The following COL19A1 variants were observed in gnomAD, a reference collection of about 807,000 sequenced individuals.
COL19A1 encodes collagen alpha-1(XIX) chain.
Under a neutral mutation model 190.2 loss-of-function variants are expected in COL19A1, and 159 were observed. That is an observed-to-expected ratio of 0.84 (90% confidence interval 0.73 to 0.95). The LOEUF (loss-of-function observed/expected upper bound fraction) is 0.95. COL19A1 is among the 40% of genes least tolerant of loss of function. The probability of loss-of-function intolerance (pLI) is 0.00; values close to 1 mark genes in which losing one functional copy is unlikely to be tolerated. For synonymous variants in COL19A1, 509 were observed against 458.9 expected (o/e 1.11, Z -1.39); for missense variants, 1,418 against 1,431.9 (o/e 0.99, Z 0.16).
intron 11 of COL19A1, among the ~76,000 whole-genome samples, chr6:69,997,046 GAGAA>G (rs141097924): frequency 1.1e-4 from 16 of 148,978 alleles, no homozygotes; most frequent in Admixed American, 4.0e-4. Context: ...GAGAGAGAGA[GAGAA>G]AGAGAACCAA....
At chr6:70,176,661 C>G (rs1374833250) in intron 42 of COL19A1, 97 bp downstream of exon 42, 12 of 1,092,574 alleles carry the variant, frequency 1.1e-5, no homozygotes, top group Middle Eastern at 2.0e-4. Flanking sequence ...GAGAGCATAC[C>G]ATAACTCCCA....
chr6:69,984,566 T>C (rs1346204574), intron 11 of COL19A1, among the ~76,000 whole-genome samples: 1 of 152,148 alleles, frequency 6.6e-6, no homozygotes, highest in Admixed American at 6.5e-5. Flanking sequence ...CAAGCCCTAA[T>C]TTTTATCTTA....
At chr6:70,117,819 C>A (rs1784667151) in intron 16 of COL19A1, among the ~76,000 whole-genome samples, 1 of 152,204 alleles carries the variant, frequency 6.6e-6, no homozygotes, top group Admixed American at 6.5e-5. Flanking sequence ...ATAGGCATGA[C>A]TTGTGTACAA....
At chr6:69,925,460 C>T (rs1464287429) in intron 4 of COL19A1, among the ~76,000 whole-genome samples, 1 of 152,152 alleles carries the variant, frequency 6.6e-6, no homozygotes, top group Non-Finnish European at 1.5e-5. Flanking sequence ...TGTTTTGATA[C>T]CAGTACCATG....
chr6:70,140,564 A>C (rs150913535), intron 19 of COL19A1, among the ~76,000 whole-genome samples: 1 of 151,996 alleles, frequency 6.6e-6, no homozygotes, highest in African/African-American at 2.4e-5. Context: ...ATTCAAGTGA[A>C]TGTCTTTCCC....
intron 14 of COL19A1, among the ~76,000 whole-genome samples, chr6:70,058,072 T>C (rs1055533589): frequency 6.6e-6 from 1 of 152,088 alleles, no homozygotes; most frequent in African/African-American, 2.4e-5. Context: ...ACAGACTCTA[T>C]GTTCTATTAT....
At chr6:69,894,826 C>A (rs1769605630) in intron 2 of COL19A1, among the ~76,000 whole-genome samples, 1 of 152,160 alleles carries the variant, frequency 6.6e-6, no homozygotes, top group Non-Finnish European at 1.5e-5. Flanking sequence ...TTGGCCACAG[C>A]CCAAGACTAG....
intron 4 of COL19A1, among the ~76,000 whole-genome samples, chr6:69,921,282 A>T: frequency 7.5e-6 from 1 of 132,592 alleles, no homozygotes; most frequent in African/African-American, 2.8e-5. Context: ...TATATCATAT[A>T]TCATATATCA....
chr6:69,898,915 C>G, intron 2 of COL19A1, 33 bp from the exon 3 acceptor site: 1 of 1,336,892 alleles, frequency 7.5e-7, no homozygotes, highest in South Asian at 1.2e-5. Flanking sequence ...ATACATAATG[C>G]AAATCCTCTA....
chr6:69,873,320 A>G (rs1767946394), intron 1 of COL19A1, among the ~76,000 whole-genome samples: 1 of 151,998 alleles, frequency 6.6e-6, no homozygotes. Flanking sequence ...CCATCTTCCC[A>G]GGGAAAGACC....
At position 70,166,011 on chromosome 6, in the gene COL19A1, A is replaced by T. The variant is rs768857802; in HGVS notation, c.2445+26A>T. ...GTGAGTTGTTCTAGGCTTAAAATTT[A>T]AAATTCATGTGTTTACTTAAGACTT... On this transcript the variant is annotated intron_variant, in intron 37 of 50. Coordinates refer to ENST00000620364, the MANE Select transcript of COL19A1 (RefSeq NM_001858.6). The T allele has an allele frequency of 2.5e-6, 4 of 1,605,862 alleles. No homozygotes were observed. In the South Asian group the frequency reaches 3.3e-5, roughly 13 times the overall value.
At position 70,144,979 on chromosome 6, in the gene COL19A1, C is replaced by G. The variant is rs771352590; in HGVS notation, c.1742C>G (p.Pro581Arg). The G allele has an allele frequency of 1.2e-5, 19 of 1,593,608 alleles. No homozygotes were observed. In the Admixed American group the frequency reaches 2.6e-4, roughly 22 times the overall value. ...CCAGGTCCAAAAGGTGAGGCTGGTC[C>G]TCCAGGGAAAAGCCTGCCAGGGGAA... ...GLPGPKGEAG[P>R]PGKSLPGEPG... Residue 581 changes from proline to arginine, a missense_variant, in exon 25 of 51, where the codon CCT (proline) becomes CGT (arginine). By Grantham distance (103) the Pro-to-Arg change is moderately radical. Transcript: ENST00000620364.
intron 14 of COL19A1, among the ~76,000 whole-genome samples, chr6:70,048,539 G>C (rs1780026286): frequency 6.6e-6 from 1 of 152,014 alleles, no homozygotes. Flanking sequence ...GGTTAAAGTT[G>C]ATCATTTTTA....
chr6:69,938,148 A>T, intron 9 of COL19A1, 48 bp downstream of exon 9: 1 of 1,555,240 alleles, frequency 6.4e-7, no homozygotes, highest in East Asian at 2.3e-5. Flanking sequence ...TTTGTTAAAA[A>T]ATGACTTAAA....
intron 16 of COL19A1, among the ~76,000 whole-genome samples, chr6:70,114,284 G>T (rs563562214): frequency 3.3e-5 from 5 of 152,138 alleles, no homozygotes; most frequent in Non-Finnish European, 4.4e-5. Flanking sequence ...GCTTTAAGAT[G>T]ATTGGTATTT....
chr6:69,972,725 C>A (rs1775502115), intron 11 of COL19A1, among the ~76,000 whole-genome samples: 1 of 152,092 alleles, frequency 6.6e-6, no homozygotes, highest in African/African-American at 2.4e-5. Flanking sequence ...CTAAAATTTA[C>A]ACAGGAAATA....
At chr6:70,174,486 G>A (rs1205014890) in intron 41 of COL19A1, among the ~76,000 whole-genome samples, 5 of 152,042 alleles carry the variant, frequency 3.3e-5, no homozygotes, top group East Asian at 3.9e-4. Flanking sequence ...CTTGAACCCA[G>A]GAGGCAGAGG....
At chr6:70,085,401 A>G (rs1782518052) in intron 15 of COL19A1, among the ~76,000 whole-genome samples, 1 of 152,234 alleles carries the variant, frequency 6.6e-6, no homozygotes, top group Non-Finnish European at 1.5e-5. Context: ...ACTGTCCTAC[A>G]GAAGCTTGGA....
At chr6:69,997,395 C>G (rs1776979119) in intron 11 of COL19A1, among the ~76,000 whole-genome samples, 2 of 152,180 alleles carry the variant, frequency 1.3e-5, no homozygotes, top group African/African-American at 4.8e-5. Context: ...CCAACAGAAG[C>G]TGACTCTGAG....
Sources: gnomAD v4.1 joint callset for allele counts (sites outside exome capture counted in the v4.1 genomes callset) on GRCh38, gnomAD v4.1.1 for gene constraint, MANE v1.5 for transcripts, NCBI Gene and HGNC (gene_info 2026-07-23, HGNC 2026-07-21) for gene names.